SLC35B4: variants seen among roughly 807,000 people sequenced by gnomAD.
SLC35B4 encodes the protein nucleotide sugar transporter SLC35B4.
A neutral mutation model predicts 39.5 loss-of-function variants in SLC35B4; 28 were observed. The observed-to-expected ratio is 0.71, with a 90% confidence interval of 0.53 to 0.97. SLC35B4 has a LOEUF of 0.97. Among genes scored for constraint, SLC35B4 ranks in the 50% least tolerant of loss-of-function variants. The pLI, the probability that SLC35B4 is intolerant of heterozygous loss-of-function variation, is 0.00. For synonymous variants in SLC35B4, 145 were observed against 150.4 expected, an observed-to-expected ratio of 0.96 and a Z score of 0.26; for missense variants, 334 against 414.3, an observed-to-expected ratio of 0.81 and a Z score of 1.68.
rs893304209 is a variant in SLC35B4, at chr7:134,294,949, G to C, written c.880C>G (p.Leu294Val). 1.2e-6 allele frequency: 2 copies of C among 1,614,082 alleles called. No homozygotes were observed. The highest frequency in any genetic ancestry group is 1.7e-6 in the Non-Finnish European group (2 of 1,180,048). ...SILYFQNPFT[L>V]WHWLGTLFVF... Reference sequence around the variant, plus strand: ...AACAAGGTGCCCAGCCAGTGCCACAGGGTGAAGGGGTTCTGGAAGTACAAG... The same window carrying C: ...AACAAGGTGCCCAGCCAGTGCCACACGGTGAAGGGGTTCTGGAAGTACAAG... The change falls in exon 10 of 10, where the codon CTG becomes GTG. Residue 294 changes from leucine (L) to valine (V), a missense_variant. Physicochemically the swap from Leu to Val is conservative, Grantham distance 32. Coordinates refer to ENST00000378509, the MANE Select transcript of SLC35B4 (RefSeq NM_032826.5).
At chr7:134,315,404 T>C (rs1803949527) in intron 1 of SLC35B4, among the ~76,000 whole-genome samples, 1 of 152,184 alleles carries the variant, frequency 6.6e-6, no homozygotes. Flanking sequence ...AATATGAAAC[T>C]TTTTGAGCAC....
At chr7:134,295,230 C>G (rs1424036400) in intron 9 of SLC35B4, 151 bp from the exon 10 acceptor site, 1 of 943,028 alleles carries the variant, frequency 1.1e-6, no homozygotes, top group Non-Finnish European at 1.6e-6. Context: ...CTGGGGAGAA[C>G]CTGCAGAACA....
chr7:134,297,760 G>T (rs2117283023), intron 8 of SLC35B4, among the ~76,000 whole-genome samples: 1 of 152,304 alleles, frequency 6.6e-6, no homozygotes, highest in East Asian at 1.9e-4. Context: ...TTTAGGCCAG[G>T]AGTAGTGGCT....
chr7:134,319,985 T>A (rs1231654582), upstream of SLC35B4, among the ~76,000 whole-genome samples: 1 of 152,150 alleles, frequency 6.6e-6, no homozygotes, highest in Non-Finnish European at 1.5e-5. Flanking sequence ...TAACCCATCC[T>A]CCCTGCTGCC....
Position 134,316,795 on chromosome 7 carries a change from C to T in SLC35B4, c.-44G>A, listed in dbSNP as rs1189796738. 79 of 1,529,864 alleles carry T rather than the reference C, an allele frequency of 5.2e-5. No homozygotes were observed. The highest frequency in any genetic ancestry group is 6.9e-5 in the Non-Finnish European group (78 of 1,134,086). The allele number at this position is 1,529,864 out of a possible 1,614,324, so 94.8% of individuals were successfully genotyped here. A position where few individuals can be genotyped will look rare whatever the true frequency, so the allele number is the denominator to read the frequency against. The stretch of plus-strand genomic sequence containing the variant: ...GAAGCAAGCGCACAGAGTAAGCGCC[C>T]GCCTGTACCGCTACCCCAGGAAGCC... On this transcript the variant is annotated 5_prime_UTR_variant, in exon 1 of 10. Coordinates refer to ENST00000378509, the MANE Select transcript of SLC35B4 (RefSeq NM_032826.5).
intron 8 of SLC35B4, 117 bp downstream of exon 8, chr7:134,299,406 G>A (rs896319807): frequency 7.4e-6 from 5 of 678,496 alleles, no homozygotes; most frequent in Non-Finnish European, 9.4e-6. Flanking sequence ...AGACATTTTC[G>A]AAAGGAACAC....
upstream of SLC35B4, among the ~76,000 whole-genome samples, chr7:134,318,182 GCTTT>G (rs1804037978): frequency 1.3e-5 from 2 of 152,146 alleles, no homozygotes; most frequent in Non-Finnish European, 2.9e-5. Context: ...ATTGGGTCTC[GCTTT>G]AGACCTACCA....
intron 3 of SLC35B4, among the ~76,000 whole-genome samples, chr7:134,306,084 C>T (rs574401583): frequency 6.6e-6 from 1 of 152,204 alleles, no homozygotes; most frequent in African/African-American, 2.4e-5. Flanking sequence ...CTTTGAAGGT[C>T]ACCTTATTAT....
At chr7:134,311,661 C>T (rs1803844183) in intron 1 of SLC35B4, among the ~76,000 whole-genome samples, 1 of 152,082 alleles carries the variant, frequency 6.6e-6, no homozygotes, top group South Asian at 2.1e-4. Context: ...GTCTCAAAAA[C>T]AAACAACAAC....
At chr7:134,316,438 T>C (rs1261229931) in intron 1 of SLC35B4, among the ~76,000 whole-genome samples, 1 of 152,254 alleles carries the variant, frequency 6.6e-6, no homozygotes, top group African/African-American at 2.4e-5. Flanking sequence ...CTCGCAGGAA[T>C]GCTTTGAAAC....
At chr7:134,310,890 G>GT (rs1451751469) in intron 1 of SLC35B4, among the ~76,000 whole-genome samples, 9 of 152,270 alleles carry the variant, frequency 5.9e-5, no homozygotes, top group African/African-American at 2.2e-4. Flanking sequence ...TGAAGCTGGT[G>GT]AGAGGTATGT....
chr7:134,302,185 C>T, intron 4 of SLC35B4, 75 bp from the exon 5 acceptor site: 1 of 1,237,150 alleles, frequency 8.1e-7, no homozygotes, highest in Non-Finnish European at 1.2e-6. Flanking sequence ...TATTTACAGT[C>T]AGATGGTGCA....
chr7:134,299,819 G>A (rs1389159124), intron 7 of SLC35B4, among the ~76,000 whole-genome samples: 1 of 152,120 alleles, frequency 6.6e-6, no homozygotes, highest in Non-Finnish European at 1.5e-5. Flanking sequence ...AGGGTCTGAG[G>A]GCCATCACAG....
rs1005531693 is a variant in SLC35B4, at chr7:134,294,056, G to A, written c.*777C>T. On this transcript the variant is annotated 3_prime_UTR_variant, in exon 10 of 10. Transcript: ENST00000378509. ...GATACACCCACCTCAGCCTCCCAAA[G>A]GGCTGGGATTACAGGTGTGAGCCAC... 2 of 152,352 alleles carry A rather than the reference G, an allele frequency of 1.3e-5. No homozygotes were observed. Among genetic ancestry groups the A allele is most frequent in the Middle Eastern group, 3.1e-3 (1 of 320 alleles). The allele number at this position is 152,352 out of a possible 1,614,324, so 9.4% of individuals were successfully genotyped here. A position where few individuals can be genotyped will look rare whatever the true frequency, so the allele number is the denominator to read the frequency against.
rs142334257 is a variant in SLC35B4 at position 134,301,922 on chromosome 7, C to G, written c.427-101G>C. The G allele has an allele frequency of 2.4e-3, 3,574 of 1,511,678 alleles. 30 individuals are homozygous for G. Among genetic ancestry groups the G allele is most frequent in the African/African-American group, 0.018 (1,284 of 72,270 alleles). 93.6% of individuals were successfully genotyped at this position (1,511,678 alleles called of 1,614,324 possible). A position where few individuals can be genotyped will look rare whatever the true frequency, so the allele number is the denominator to read the frequency against. ...ATGTTACCCATTTCCCTCCCCTCTT[C>G]TCTTTCAAAATCTTTGTATTACATA... On this transcript the variant is annotated intron_variant, in intron 5 of 9. Coordinates refer to ENST00000378509, the MANE Select transcript of SLC35B4 (RefSeq NM_032826.5).
At chr7:134,315,326 G>C (rs907629254) in intron 1 of SLC35B4, among the ~76,000 whole-genome samples, 1 of 152,054 alleles carries the variant, frequency 6.6e-6, no homozygotes, top group Non-Finnish European at 1.5e-5. Flanking sequence ...AGGATTGTTC[G>C]GATGATCAAC....
rs1004544278 is a variant in SLC35B4 at position 134,294,916 on chromosome 7, T to C, written c.913A>G (p.Ile305Val). Reference sequence around the variant, plus strand: ...ACCTCTGTGTACATTAAGGTCCCAATGAAGACAAACAAGGTGCCCAGCCAG... The same window carrying C: ...ACCTCTGTGTACATTAAGGTCCCAACGAAGACAAACAAGGTGCCCAGCCAG... ...WHWLGTLFVF[I>V]GTLMYTEVWN... The change falls in exon 10 of 10, where the codon ATT becomes GTT. Residue 305 changes from isoleucine to valine, a missense_variant. Transcript: ENST00000378509. 1.2e-6 allele frequency: 2 copies of C among 1,613,988 alleles called. No individual in the cohort carries two copies. Among genetic ancestry groups the C allele is most frequent in the African/African-American group, 1.3e-5 (1 of 74,894 alleles).
chr7:134,316,673 A>G lies in SLC35B4; in HGVS notation c.77+2T>C, dbSNP rs961789798. ...CGGGTGCGGCCCGAGCGGGTCACTC[A>G]CCGGGCCAGGAGCTCTAGGAAGATC... On this transcript the variant is annotated splice_donor_variant, in intron 1 of 9. Transcript: ENST00000378509. LOFTEE classifies it high-confidence loss of function. 5.2e-6 allele frequency: 8 copies of G among 1,549,914 alleles called. No homozygotes were observed. Among genetic ancestry groups the G allele is most frequent in the Non-Finnish European group, 5.2e-6 (6 of 1,146,652 alleles).
intron 3 of SLC35B4, among the ~76,000 whole-genome samples, chr7:134,305,335 C>CGT (rs1027640288): frequency 3.6e-4 from 36 of 99,166 alleles, no homozygotes; most frequent in African/African-American, 1.4e-3. Context: ...CAAAAATATA[C>CGT]GTATATATAT....
Sources: allele counts gnomAD v4.1 joint callset (sites outside exome capture counted in the v4.1 genomes callset), GRCh38; gene constraint gnomAD v4.1.1; transcripts MANE v1.5; gene names NCBI Gene and HGNC (gene_info 2026-07-23, HGNC 2026-07-21).